Variants in CSMD2 observed in about 807,000 individuals in gnomAD.
CSMD2 encodes the protein CUB and sushi domain-containing protein 2.
CSMD2 carries 130 observed loss-of-function variants against 398.5 expected under a neutral mutation model. The ratio of observed to expected loss-of-function variants is 0.33; its 90% CI spans 0.28 to 0.38. CSMD2 has a LOEUF of 0.38. CSMD2 is among the 10% of genes least tolerant of loss of function. The pLI is 1.00. For missense variants in CSMD2, 3,829 were observed against 4,764.9 expected, an observed-to-expected ratio of 0.80 and a Z score of 5.78; for synonymous variants, 1,828 against 1,908.5, an observed-to-expected ratio of 0.96 and a Z score of 1.10.
chr1:33,864,769 A>G lies in CSMD2; in HGVS notation c.921-17773T>C, dbSNP rs1203815292. 2.5e-6 allele frequency: 4 copies of G among 1,580,420 alleles called. No individual in the cohort carries two copies. In the African/African-American group the frequency reaches 5.5e-5, roughly 22 times the overall value. On this transcript the variant is annotated intron_variant, in intron 5 of 70. Transcript: ENST00000373381. ...CAGAGCTGATGGATCCAGTTTGAAA[A>G]AACAAAATGCCATTCAACCGTATTT... is the stretch of plus-strand genomic sequence containing the variant.
intron 1 of CSMD2, among the ~76,000 whole-genome samples, chr1:34,143,259 C>T (rs1639467670): frequency 2.0e-5 from 3 of 152,128 alleles, no homozygotes; most frequent in South Asian, 4.2e-4. Context: ...CCTGTCCACC[C>T]AGAGCAGCAG....
chr1:34,022,524 G>A (rs1174802068), intron 3 of CSMD2, among the ~76,000 whole-genome samples: 3 of 152,184 alleles, frequency 2.0e-5, no homozygotes, highest in Non-Finnish European at 4.4e-5. Context: ...CACGAGTGAT[G>A]CACATGATAG....
intron 53 of CSMD2, among the ~76,000 whole-genome samples, chr1:33,567,173 C>A (rs919445505): frequency 6.6e-6 from 1 of 150,928 alleles, no homozygotes; most frequent in African/African-American, 2.4e-5. Flanking sequence ...GAAATCAATA[C>A]CAAAATTACA....
At chr1:33,517,551 T>C (rs1020978832) in intron 70 of CSMD2, among the ~76,000 whole-genome samples, 1 of 152,256 alleles carries the variant, frequency 6.6e-6, no homozygotes, top group African/African-American at 2.4e-5. Flanking sequence ...GATTTTTCTT[T>C]TTCTCTTTTG....
chr1:33,867,153 C>T (rs1640101155), intron 5 of CSMD2, among the ~76,000 whole-genome samples: 3 of 152,200 alleles, frequency 2.0e-5, no homozygotes, highest in Admixed American at 1.3e-4. Context: ...ATATTGCTAG[C>T]CACTTTGCTC....
chr1:33,727,371 A>T (rs562995314), intron 15 of CSMD2, among the ~76,000 whole-genome samples: 2 of 152,264 alleles, frequency 1.3e-5, no homozygotes, highest in African/African-American at 4.8e-5. Context: ...CTCTGTCCAC[A>T]TGTCCCATCC....
At chr1:34,119,059 T>C (rs1179695198) in intron 1 of CSMD2, among the ~76,000 whole-genome samples, 2 of 152,138 alleles carry the variant, frequency 1.3e-5, no homozygotes, top group African/African-American at 2.4e-5. Context: ...CAAAACAGTA[T>C]AGCATTGGAC....
Position 33,635,317 on chromosome 1 carries a change from T to C in CSMD2, c.4983A>G (p.Gly1661=). 1 of 1,609,548 alleles carries C rather than the reference T, an allele frequency of 6.2e-7. No homozygotes were observed. The highest frequency in any genetic ancestry group is 8.5e-7 in the Non-Finnish European group (1 of 1,176,180). ...PRPVCTAPCG[G]QYVGSDGVVL... ...CCACTCCGTCCGAACCCACATACTG[T>C]CCCCCACAGGGGGCTGAAAGAGAAA... Residue 1661 remains glycine (G), a synonymous_variant, in exon 31 of 71, where the codon GGA becomes GGG. Coordinates refer to ENST00000373381, the MANE Select transcript of CSMD2 (RefSeq NM_001281956.2). This position sits in a 1 kb window ranked among gnomAD's most constrained non-coding sequence, Gnocchi z 5.0.
chr1:33,910,028 C>G (rs1306943542), intron 5 of CSMD2, among the ~76,000 whole-genome samples: 1 of 152,112 alleles, frequency 6.6e-6, no homozygotes, highest in African/African-American at 2.4e-5. Flanking sequence ...AATCATCAGC[C>G]CCTCCTCCTC....
chr1:33,653,160 T>C (rs1643855599), intron 27 of CSMD2, among the ~76,000 whole-genome samples: 1 of 152,158 alleles, frequency 6.6e-6, no homozygotes, highest in Non-Finnish European at 1.5e-5. Context: ...TCCCGTATCA[T>C]AAAAAGAGAC....
chr1:34,096,531 T>A (rs1659329075), intron 1 of CSMD2, among the ~76,000 whole-genome samples: 1 of 143,726 alleles, frequency 7.0e-6, no homozygotes, highest in Admixed American at 7.1e-5. Flanking sequence ...CAGCCCAAAA[T>A]CTCCTTAAGC....
intron 55 of CSMD2, 127 bp from the exon 56 acceptor site, chr1:33,550,477 A>C: frequency 1.0e-6 from 1 of 971,186 alleles, no homozygotes; most frequent in Middle Eastern, 2.2e-4. Flanking sequence ...TGTTGAAGCA[A>C]ACTTCCTGCT....
At chr1:34,007,530 T>C (rs1570789198) in intron 3 of CSMD2, among the ~76,000 whole-genome samples, 1 of 152,164 alleles carries the variant, frequency 6.6e-6, no homozygotes, top group Non-Finnish European at 1.5e-5. Context: ...GATAAGAACA[T>C]AAATCTCCCT....
At chr1:33,671,755 T>C (rs1478360267) in intron 25 of CSMD2, among the ~76,000 whole-genome samples, 1 of 152,118 alleles carries the variant, frequency 6.6e-6, no homozygotes, top group Admixed American at 6.5e-5. Flanking sequence ...TACCAGAGCC[T>C]AAATCTAAGA....
chr1:33,758,422 C>T (rs1490289020), intron 13 of CSMD2, among the ~76,000 whole-genome samples: 2 of 152,192 alleles, frequency 1.3e-5, no homozygotes, highest in African/African-American at 2.4e-5. Flanking sequence ...AAACCAAATG[C>T]TCTCTCACTC....
At chr1:33,738,966 G>A (rs1646969059) in intron 15 of CSMD2, among the ~76,000 whole-genome samples, 174 bp downstream of exon 15, 1 of 152,032 alleles carries the variant, frequency 6.6e-6, no homozygotes, top group African/African-American at 2.4e-5. Context: ...CCTACGCACA[G>A]TGGCCTTATG....
intron 6 of CSMD2, among the ~76,000 whole-genome samples, chr1:33,828,655 C>T (rs947737798): frequency 3.9e-5 from 6 of 152,146 alleles, no homozygotes; most frequent in Admixed American, 6.5e-5. Context: ...TGAGGGGAGG[C>T]GATGCTAAGA....
chr1:33,675,485 A>G (rs533220660), intron 25 of CSMD2, among the ~76,000 whole-genome samples: 181 of 152,282 alleles, frequency 1.2e-3, no homozygotes, highest in Non-Finnish European at 1.6e-3. Flanking sequence ...CCAACCAAAA[A>G]AGTCCAGGAC....
intron 29 of CSMD2, among the ~76,000 whole-genome samples, chr1:33,637,747 G>A (rs1642889347): frequency 6.6e-6 from 1 of 152,154 alleles, no homozygotes; most frequent in African/African-American, 2.4e-5. Context: ...GCAACAGAGA[G>A]GTCTAGAGAT....
Sources: gnomAD v4.1 joint callset for allele counts (sites outside exome capture counted in the v4.1 genomes callset) on GRCh38, gnomAD v4.1.1 for gene constraint, Gnocchi (gnomAD v3.1) non-coding constraint, MANE v1.5 for transcripts, NCBI Gene and HGNC (gene_info 2026-07-23, HGNC 2026-07-21) for gene names.